Variants in SHISAL2B observed in about 807,000 individuals in gnomAD.
SHISAL2B encodes the protein shisa like 2B.
Under a neutral mutation model 16.5 loss-of-function variants are expected in SHISAL2B, and 12 were observed. That is an observed-to-expected ratio of 0.73 (90% confidence interval 0.47 to 1.18). SHISAL2B has a LOEUF of 1.18. Ranked by LOEUF, SHISAL2B falls within the 50% of genes most tolerant of loss-of-function variation. The pLI is 0.00. For missense variants in SHISAL2B, 183 were observed against 193.6 expected, an observed-to-expected ratio of 0.95 and a Z score of 0.33; for synonymous variants, 72 against 75.0, an observed-to-expected ratio of 0.96 and a Z score of 0.21.
chr5:64,693,997 T>C, intron 1 of SHISAL2B: 1 of 441,302 alleles, frequency 2.3e-6, no homozygotes, highest in Non-Finnish European at 4.5e-6. Context: ...AGCTTAGCTC[T>C]TCACTTTCAG....
intron 2 of SHISAL2B, among the ~76,000 whole-genome samples, chr5:64,706,282 C>T (rs1450741268): frequency 6.6e-6 from 1 of 152,214 alleles, no homozygotes; most frequent in Non-Finnish European, 1.5e-5. Context: ...CAGCCTTCCA[C>T]TAAATACACA....
chr5:64,712,825 G>A (rs1261046560), intron 2 of SHISAL2B, among the ~76,000 whole-genome samples: 1 of 151,026 alleles, frequency 6.6e-6, no homozygotes, highest in African/African-American at 2.4e-5. Flanking sequence ...ATCTTTGTTG[G>A]TTTGAAGTCT....
chr5:64,711,215 A>G (rs1741952916), intron 2 of SHISAL2B, among the ~76,000 whole-genome samples: 1 of 134,890 alleles, frequency 7.4e-6, no homozygotes, highest in South Asian at 2.4e-4. Flanking sequence ...ACGTCCCATC[A>G]ATACCTAATT....
intron 2 of SHISAL2B, among the ~76,000 whole-genome samples, chr5:64,708,620 A>T (rs940779843): frequency 6.6e-6 from 1 of 152,156 alleles, no homozygotes; most frequent in Non-Finnish European, 1.5e-5. Flanking sequence ...TAAACCTTGT[A>T]TATTATTTGT....
At chr5:64,695,868 G>A (rs1741725549) in intron 2 of SHISAL2B, among the ~76,000 whole-genome samples, 1 of 152,192 alleles carries the variant, frequency 6.6e-6, no homozygotes, top group Admixed American at 6.5e-5. Flanking sequence ...GCAGCAGGAT[G>A]TAATTATTCT....
intron 2 of SHISAL2B, among the ~76,000 whole-genome samples, chr5:64,703,987 A>G (rs1228180234): frequency 2.0e-5 from 3 of 152,240 alleles, no homozygotes; most frequent in Non-Finnish European, 4.4e-5. Flanking sequence ...TTACAAATAA[A>G]AAAAACACTT....
intron 2 of SHISAL2B, among the ~76,000 whole-genome samples, chr5:64,716,372 G>A (rs1742051562): frequency 6.6e-6 from 1 of 152,142 alleles, no homozygotes; most frequent in Admixed American, 6.5e-5. Flanking sequence ...GAACAACTAT[G>A]TGCAAGGCAT....
At chr5:64,691,984 T>C (rs1206974954) in intron 1 of SHISAL2B, among the ~76,000 whole-genome samples, 1 of 152,164 alleles carries the variant, frequency 6.6e-6, no homozygotes, top group East Asian at 1.9e-4. Flanking sequence ...ATTAACATAT[T>C]TTTCTATATT....
At chr5:64,694,986 C>T (rs191232057) in intron 1 of SHISAL2B, among the ~76,000 whole-genome samples, 160 of 152,144 alleles carry the variant, frequency 1.1e-3, no homozygotes, top group African/African-American at 3.7e-3. Context: ...ACAGGCCGGC[C>T]GGGAGCGGTG....
intron 2 of SHISAL2B, among the ~76,000 whole-genome samples, chr5:64,700,738 C>T (rs1205271659): frequency 1.3e-5 from 2 of 152,078 alleles, no homozygotes; most frequent in Non-Finnish European, 2.9e-5. Context: ...AATCAGTAGT[C>T]TCCATCTGTT....
intron 2 of SHISAL2B, among the ~76,000 whole-genome samples, chr5:64,699,428 G>T (rs764448745): frequency 5.9e-5 from 9 of 152,206 alleles, no homozygotes; most frequent in Non-Finnish European, 1.2e-4. Context: ...CGTTAAATAT[G>T]CATGTTCCGT....
chr5:64,695,132 GCGTGC>G (rs1741714035), intron 1 of SHISAL2B, among the ~76,000 whole-genome samples: 2 of 152,042 alleles, frequency 1.3e-5, no homozygotes, highest in African/African-American at 4.8e-5. Context: ...GGGCATGATG[GCGTGC>G]ACCTGTAGTC....
chr5:64,706,830 G>A (rs1209282717), intron 2 of SHISAL2B, among the ~76,000 whole-genome samples: 1 of 152,114 alleles, frequency 6.6e-6, no homozygotes, highest in Non-Finnish European at 1.5e-5. Context: ...AGTTTGCAGG[G>A]CTTTAAAGAA....
intron 2 of SHISAL2B, among the ~76,000 whole-genome samples, chr5:64,709,777 T>C (rs1183506489): frequency 6.6e-6 from 1 of 152,102 alleles, no homozygotes; most frequent in African/African-American, 2.4e-5. Context: ...TTTGCATTTC[T>C]CTGATGGCCA....
chr5:64,714,061 A>G (rs1392398938), intron 2 of SHISAL2B, among the ~76,000 whole-genome samples: 1 of 148,684 alleles, frequency 6.7e-6, no homozygotes, highest in African/African-American at 2.6e-5. Context: ...TTCTCCATCC[A>G]GCTTTGTTCC....
intron 2 of SHISAL2B, among the ~76,000 whole-genome samples, chr5:64,709,866 G>T (rs983308875): frequency 8.3e-4 from 125 of 150,606 alleles, no homozygotes; most frequent in Non-Finnish European, 1.3e-3. Context: ...CATGTCCTTC[G>T]CCCACTTTTT....
intron 2 of SHISAL2B, among the ~76,000 whole-genome samples, chr5:64,706,587 G>T (rs2112066861): frequency 6.6e-6 from 1 of 152,250 alleles, no homozygotes; most frequent in South Asian, 2.1e-4. Context: ...GATCTCTCAT[G>T]GCTAGTATGA....
intron 2 of SHISAL2B, among the ~76,000 whole-genome samples, chr5:64,699,978 T>C (rs1741785699): frequency 6.6e-6 from 1 of 152,228 alleles, no homozygotes; most frequent in South Asian, 2.1e-4. Context: ...GCTAAAGCAA[T>C]TGATTGGTCT....
chr5:64,706,211 A>G (rs1741875087), intron 2 of SHISAL2B, among the ~76,000 whole-genome samples: 1 of 152,216 alleles, frequency 6.6e-6, no homozygotes, highest in Non-Finnish European at 1.5e-5. Flanking sequence ...TGGTAAGGTG[A>G]GACAACACCA....
Sources: allele counts gnomAD v4.1 joint callset (sites outside exome capture counted in the v4.1 genomes callset), GRCh38; gene constraint gnomAD v4.1.1; transcripts MANE v1.5; gene names NCBI Gene and HGNC (gene_info 2026-07-23, HGNC 2026-07-21).